Variants in NFYA observed in about 807,000 individuals in gnomAD.
The protein encoded by NFYA is nuclear transcription factor Y subunit alpha, also known as CAAT-box DNA binding protein subunit A.
Under a neutral mutation model 52.8 loss-of-function variants are expected in NFYA, and 28 were observed. That is an observed-to-expected ratio of 0.53 (90% CI 0.39 to 0.73). The LOEUF is 0.73. NFYA is among the 30% of genes least tolerant of loss of function. NFYA has a pLI of 0.00. For synonymous variants in NFYA, 150 were observed against 150.7 expected (o/e 1.00, Z 0.03); for missense variants, 234 against 427.0 (o/e 0.55, Z 3.98).
At chr6:41,094,896 TTTTC>T (rs1764305449) in intron 9 of NFYA, among the ~76,000 whole-genome samples, 1 of 152,228 alleles carries the variant, frequency 6.6e-6, no homozygotes, top group Non-Finnish European at 1.5e-5. Flanking sequence ...AAAATCACAC[TTTTC>T]TTAATTTTCA....
intron 7 of NFYA, among the ~76,000 whole-genome samples, chr6:41,092,441 G>T (rs1242459986): frequency 6.6e-6 from 1 of 152,230 alleles, no homozygotes; most frequent in Non-Finnish European, 1.5e-5. Context: ...GGAAAGAGCT[G>T]TGGGGTACAG....
chr6:41,086,162 C>T (rs1764038274), intron 4 of NFYA, among the ~76,000 whole-genome samples: 1 of 152,048 alleles, frequency 6.6e-6, no homozygotes, highest in South Asian at 2.1e-4. Flanking sequence ...TGAGTAGAGA[C>T]AATGTGGTAT....
intron 1 of NFYA, among the ~76,000 whole-genome samples, chr6:41,073,670 G>A (rs1241921289): frequency 6.6e-6 from 1 of 151,990 alleles, no homozygotes; most frequent in Non-Finnish European, 1.5e-5. Flanking sequence ...GGTCCCGTGT[G>A]CGGCTGGCAA....
intron 4 of NFYA, among the ~76,000 whole-genome samples, chr6:41,088,245 C>T (rs1016004372): frequency 4.0e-5 from 6 of 151,466 alleles, no homozygotes; most frequent in Non-Finnish European, 7.4e-5. Context: ...AGTGAAACCC[C>T]GTCTCTACTA....
chr6:41,085,238 A>T (rs1764013254), intron 4 of NFYA, among the ~76,000 whole-genome samples: 1 of 152,234 alleles, frequency 6.6e-6, no homozygotes, highest in South Asian at 2.1e-4. Context: ...TAGGAAGAAA[A>T]GCATCAATAG....
intron 7 of NFYA, 145 bp from the exon 8 acceptor site, chr6:41,092,767 C>T (rs1443896023): frequency 1.5e-5 from 10 of 687,656 alleles, no homozygotes; most frequent in Admixed American, 3.1e-5. Context: ...GTATAAATTT[C>T]TCCAGGGATC....
chr6:41,083,468 A>C (rs1205539546), intron 3 of NFYA, among the ~76,000 whole-genome samples: 1 of 151,992 alleles, frequency 6.6e-6, no homozygotes, highest in African/African-American at 2.4e-5. Context: ...ACAGAGTAAA[A>C]TGAGCAGGAT....
chr6:41,086,592 A>G (rs1274555431), intron 4 of NFYA, among the ~76,000 whole-genome samples: 2 of 152,088 alleles, frequency 1.3e-5, no homozygotes, highest in Admixed American at 6.5e-5. Context: ...TTTGAATTGT[A>G]TTCTCTATTT....
In NFYA at chr6:41,079,023, TAACA is replaced by T. The variant is rs1763833006; in HGVS notation, c.-61-5_-61-2del. On this transcript the variant is annotated splice_acceptor_variant and splice_polypyrimidine_tract_variant and intron_variant, in intron 1 of 9. Transcript: ENST00000341376. LOFTEE classifies it low-confidence loss of function (5UTR_SPLICE). ...ACTTTAGTTTCTTTCCCCACCTTTC[TAACA>T]GGAGTGTACCTCACAGCCTTCTAGG... 1 of 1,438,752 alleles carries T rather than the reference TAACA, an allele frequency of 7.0e-7. No homozygotes were observed. Among genetic ancestry groups the T allele is most frequent in the Admixed American group, 1.8e-5 (1 of 56,476 alleles). 89.1% of individuals were successfully genotyped at this position (1,438,752 alleles called of 1,614,324 possible). A position where few individuals can be genotyped will look rare whatever the true frequency, so the allele number is the denominator to read the frequency against.
At chr6:41,081,212 G>A (rs536573860) in intron 3 of NFYA, among the ~76,000 whole-genome samples, 14 of 152,204 alleles carry the variant, frequency 9.2e-5, no homozygotes, top group East Asian at 7.7e-4. Context: ...GGGCTCGGCC[G>A]GGCGCGGTGG....
Position 41,100,414 on chromosome 6 carries a change from T to C in NFYA, c.*3004T>C, listed in dbSNP as rs566367256. Among the ~76,000 whole-genome samples, 1 of 152,328 alleles carries C rather than the reference T, an allele frequency of 6.6e-6. No individual in the cohort carries two copies. The highest frequency in any genetic ancestry group is 2.4e-5 in the African/African-American group (1 of 41,572). On this transcript the variant is annotated 3_prime_UTR_variant, in exon 10 of 10. Coordinates refer to ENST00000341376, the MANE Select transcript of NFYA (RefSeq NM_002505.5). ...AAAAATCCACAGCATGCTCACCTTGTTACTGTTTTACCTTACGGTCGCTGG... is the reference window on the plus strand; with the variant it reads ...AAAAATCCACAGCATGCTCACCTTGCTACTGTTTTACCTTACGGTCGCTGG...
intron 1 of NFYA, among the ~76,000 whole-genome samples, 151 bp downstream of exon 1, chr6:41,073,235 G>C (rs1416078979): frequency 1.3e-5 from 2 of 151,644 alleles, no homozygotes; most frequent in South Asian, 2.1e-4. Flanking sequence ...AGCGGCCCCG[G>C]CCCGGGGCCT....
intron 1 of NFYA, among the ~76,000 whole-genome samples, chr6:41,074,851 T>A (rs2268188): frequency 2.6e-5 from 4 of 152,004 alleles, no homozygotes; most frequent in African/African-American, 9.7e-5. Context: ...TCTTTGGGGA[T>A]GAAGAGGAGA....
At position 41,097,369 on chromosome 6, in the gene NFYA, G is replaced by C. The variant is rs1764389536; in HGVS notation, c.1003G>C (p.Ala335Pro). Residue 335 changes from alanine (A) to proline (P), a missense_variant, in exon 10 of 10, where the codon GCC becomes CCC. By Grantham distance (27) the Ala-to-Pro change is conservative. Around this residue, in one of 3 missense-constraint regions of NFYA, gnomAD observed 35 missense variants for 34.2 expected, o/e 1.02. Transcript: ENST00000341376. ...DSPHMQDPNQ[A>P]DEEAMTQIIR... ...TCTTTGTCTCTAGGATCCAAACCAA[G>C]CCGATGAAGAAGCAATGACACAGAT... 4 of 1,613,838 alleles carry C rather than the reference G, an allele frequency of 2.5e-6. No individual in the cohort carries two copies. The highest frequency in any genetic ancestry group is 3.4e-6 in the Non-Finnish European group (4 of 1,179,902).
At chr6:41,096,334 C>T (rs1041027754) in intron 9 of NFYA, among the ~76,000 whole-genome samples, 3 of 152,176 alleles carry the variant, frequency 2.0e-5, no homozygotes, top group African/African-American at 4.8e-5. Flanking sequence ...TCATTCATAA[C>T]GGTGTATGAA....
At chr6:41,086,843 C>T (rs1764059349) in intron 4 of NFYA, among the ~76,000 whole-genome samples, 1 of 152,010 alleles carries the variant, frequency 6.6e-6, no homozygotes, top group Non-Finnish European at 1.5e-5. Flanking sequence ...CTAATTCATA[C>T]TGTATTTTAA....
At position 41,101,518 on chromosome 6, in the gene NFYA, T is replaced by G. The variant is rs1764501587; in HGVS notation, c.*4108T>G. On this transcript the variant is annotated 3_prime_UTR_variant, in exon 10 of 10. Coordinates refer to ENST00000341376, the MANE Select transcript of NFYA (RefSeq NM_002505.5). ...TCTATTAAGCGTTCTGTTTCAATTATTTTATTCGTTCAGTTAATTCGTTCT... is the reference window on the plus strand; with the variant it reads ...TCTATTAAGCGTTCTGTTTCAATTAGTTTATTCGTTCAGTTAATTCGTTCT... Among the ~76,000 whole-genome samples the G allele has an allele frequency of 6.6e-6, 1 of 152,214 alleles. No individual in the cohort carries two copies. Among genetic ancestry groups the G allele is most frequent in the Non-Finnish European group, 1.5e-5 (1 of 68,034 alleles).
chr6:41,088,223 C>T (rs1764097863), intron 4 of NFYA, among the ~76,000 whole-genome samples: 2 of 151,950 alleles, frequency 1.3e-5, no homozygotes, highest in Admixed American at 1.3e-4. Context: ...TCGAGACCAT[C>T]CTGGTTAACA....
At chr6:41,075,624 A>G (rs929292443) in intron 1 of NFYA, 3 of 151,982 alleles carry the variant, frequency 2.0e-5, no homozygotes, top group Non-Finnish European at 4.4e-5. Context: ...CTTGATTTGT[A>G]GTACTTCACC....
Sources: allele counts gnomAD v4.1 joint callset (sites outside exome capture counted in the v4.1 genomes callset), GRCh38; gene constraint gnomAD v4.1.1; regional missense constraint gnomAD v4.1.1; transcripts MANE v1.5; gene names NCBI Gene and HGNC (gene_info 2026-07-23, HGNC 2026-07-21).